Variants in GNG2 observed in about 807,000 individuals in gnomAD.
GNG2 encodes G protein subunit gamma 2.
Under a neutral mutation model 5.5 loss-of-function variants are expected in GNG2, and 5 were observed. The observed-to-expected ratio is 0.91, with a 90% CI of 0.48 to 1.92. The LOEUF is 1.92. Ranked by LOEUF, GNG2 falls within the 30% of genes most tolerant of loss-of-function variation. The pLI, the probability that GNG2 is intolerant of heterozygous loss-of-function variation, is 0.01. For missense variants in GNG2, 55 were observed against 88.4 expected (o/e 0.62, Z 1.52); for synonymous variants, 28 against 32.0 (o/e 0.88, Z 0.42).
At chr14:51,831,794 A>T (rs1384027642) in intron 2 of GNG2, among the ~76,000 whole-genome samples, 3 of 152,226 alleles carry the variant, frequency 2.0e-5, no homozygotes, top group Non-Finnish European at 4.4e-5. Flanking sequence ...GCAGTCTAAC[A>T]TTTAAAAAGT....
At chr14:51,937,771 T>C (rs1566699895) in intron 2 of GNG2, among the ~76,000 whole-genome samples, 1 of 152,110 alleles carries the variant, frequency 6.6e-6, no homozygotes, top group Non-Finnish European at 1.5e-5. Context: ...AATTGGGAAA[T>C]AATATTTTTT....
chr14:51,870,013 G>A (rs1883193038), intron 1 of GNG2, among the ~76,000 whole-genome samples: 1 of 152,192 alleles, frequency 6.6e-6, no homozygotes, highest in Admixed American at 6.5e-5. Flanking sequence ...GGTTCTATTA[G>A]CAAGGAAGAG....
chr14:51,917,989 G>C (rs977348328), intron 2 of GNG2, among the ~76,000 whole-genome samples: 3 of 148,028 alleles, frequency 2.0e-5, no homozygotes, highest in African/African-American at 7.5e-5. Context: ...TCGTGTCACT[G>C]CACTCTAGTC....
chr14:51,827,748 A>C, exon 2 of GNG2: 1 of 701,774 alleles, frequency 1.4e-6, no homozygotes, highest in Non-Finnish European at 2.6e-6. Context: ...AGGGGCATGC[A>C]GGGGAAATTG....
chr14:51,895,728 C>A (rs1392416484), intron 2 of GNG2, among the ~76,000 whole-genome samples: 1 of 152,190 alleles, frequency 6.6e-6, no homozygotes, highest in Admixed American at 6.5e-5. Flanking sequence ...TGTCCCCACC[C>A]AAATCTCATC....
At chr14:51,961,448 T>A (rs1282729397) in intron 3 of GNG2, among the ~76,000 whole-genome samples, 2 of 152,206 alleles carry the variant, frequency 1.3e-5, no homozygotes, top group Non-Finnish European at 2.9e-5. Context: ...TGTCAGGCAC[T>A]GATTATACGG....
At chr14:51,963,334 C>T (rs1457765858) in intron 3 of GNG2, among the ~76,000 whole-genome samples, 1 of 152,150 alleles carries the variant, frequency 6.6e-6, no homozygotes. Flanking sequence ...ATTCATGCTA[C>T]ATAGTTGTAT....
upstream of GNG2, among the ~76,000 whole-genome samples, chr14:51,856,219 C>A (rs568865908): frequency 6.6e-6 from 1 of 151,476 alleles, no homozygotes; most frequent in Admixed American, 6.6e-5. Flanking sequence ...CTGGGCATGG[C>A]GGGGGAGGAG....
intron 2 of GNG2, among the ~76,000 whole-genome samples, chr14:51,906,916 C>A (rs1193569927): frequency 2.6e-5 from 4 of 151,930 alleles, no homozygotes; most frequent in Non-Finnish European, 5.9e-5. Context: ...CCACCACACC[C>A]GGCTAATTTT....
At chr14:51,836,472 G>T (rs10142299) in intron 2 of GNG2, among the ~76,000 whole-genome samples, 17,980 of 152,016 alleles carry the variant, frequency 0.12, 1,472 homozygotes, top group African/African-American at 0.22. Context: ...TGCTTTGAGG[G>T]TTAAATAAAA....
At chr14:51,929,699 A>T (rs570726737) in intron 2 of GNG2, among the ~76,000 whole-genome samples, 104 of 152,244 alleles carry the variant, frequency 6.8e-4, no homozygotes, top group African/African-American at 2.4e-3. Flanking sequence ...GTATTTTTTT[A>T]AGGATGAAAT....
chr14:51,850,715 G>A (rs1475345282), intron 2 of GNG2, among the ~76,000 whole-genome samples: 3 of 152,168 alleles, frequency 2.0e-5, no homozygotes, highest in East Asian at 1.9e-4. Context: ...CTTCTAGGGA[G>A]GCCTGAGGAA....
chr14:51,959,162 A>G (rs1169625573), intron 3 of GNG2, among the ~76,000 whole-genome samples: 1 of 152,046 alleles, frequency 6.6e-6, no homozygotes, highest in East Asian at 1.9e-4. Context: ...TTCATTACTC[A>G]GCTCTACTTT....
intron 3 of GNG2, among the ~76,000 whole-genome samples, chr14:51,965,730 A>G (rs1345282064): frequency 1.3e-5 from 2 of 152,176 alleles, no homozygotes; most frequent in African/African-American, 2.4e-5. Context: ...GGAAATTGAC[A>G]TGGTTTTAGG....
intron 3 of GNG2, 43 bp from the exon 4 acceptor site, chr14:51,966,516 T>A (rs1467750931): frequency 1.3e-6 from 2 of 1,595,778 alleles, no homozygotes; most frequent in East Asian, 4.5e-5. Context: ...CTTGACTGAC[T>A]GTACCAGACT....
intron 2 of GNG2, among the ~76,000 whole-genome samples, chr14:51,883,475 G>A (rs1460688630): frequency 3.9e-5 from 6 of 152,188 alleles, no homozygotes; most frequent in Non-Finnish European, 8.8e-5. Flanking sequence ...TAGAAGCCCA[G>A]CATCCTCCAA....
At chr14:51,905,714 TC>T (rs1885871444) in intron 2 of GNG2, among the ~76,000 whole-genome samples, 1 of 152,108 alleles carries the variant, frequency 6.6e-6, no homozygotes, top group Admixed American at 6.5e-5. Context: ...GTTCCCATAA[TC>T]CCCACGTGTT....
At chr14:51,935,277 G>A (rs1386884119) in intron 2 of GNG2, among the ~76,000 whole-genome samples, 5 of 151,724 alleles carry the variant, frequency 3.3e-5, no homozygotes, top group African/African-American at 9.7e-5. Context: ...CGGCCGCCTC[G>A]GCCTCCCAAA....
intron 3 of GNG2, among the ~76,000 whole-genome samples, chr14:51,965,774 C>T (rs868567197): frequency 5.9e-5 from 9 of 152,084 alleles, no homozygotes; most frequent in African/African-American, 1.7e-4. Flanking sequence ...CAGAGAGTCA[C>T]GACTACAAAA....
Sources: gnomAD v4.1 joint callset for allele counts (sites outside exome capture counted in the v4.1 genomes callset) on GRCh38, gnomAD v4.1.1 for gene constraint, MANE v1.5 for transcripts, NCBI Gene and HGNC (gene_info 2026-07-23, HGNC 2026-07-21) for gene names.